BMP6: variants seen among roughly 807,000 people sequenced by gnomAD.
BMP6 encodes VG-1-R.
BMP6 carries 17 observed loss-of-function variants against 54.1 expected under a neutral mutation model. The observed-to-expected ratio is 0.31, with a 90% CI of 0.22 to 0.47. BMP6 has a LOEUF of 0.47. Among genes scored for constraint, BMP6 ranks in the 20% least tolerant of loss-of-function variants. BMP6 has a pLI of 1.00. For missense variants in BMP6, 720 were observed against 690.4 expected (o/e 1.04, Z -0.48); for synonymous variants, 328 against 291.2 (o/e 1.13, Z -1.28).
intron 1 of BMP6, among the ~76,000 whole-genome samples, chr6:7,740,035 TG>T (rs1762018763): frequency 2.0e-5 from 3 of 152,074 alleles, no homozygotes; most frequent in Non-Finnish European, 2.9e-5. Flanking sequence ...ACCTGCACAC[TG>T]GGCTGAGACA....
At chr6:7,747,022 T>C (rs1757358171) in intron 1 of BMP6, among the ~76,000 whole-genome samples, 1 of 152,188 alleles carries the variant, frequency 6.6e-6, no homozygotes, top group Non-Finnish European at 1.5e-5. Flanking sequence ...CACACTCTCC[T>C]CCTTTCTACC....
chr6:7,790,033 C>T (rs182298637), intron 1 of BMP6, among the ~76,000 whole-genome samples: 5 of 152,190 alleles, frequency 3.3e-5, no homozygotes, highest in Non-Finnish European at 4.4e-5. Context: ...TCTGTTGCTC[C>T]TTCTCAGGGT....
intron 2 of BMP6, among the ~76,000 whole-genome samples, chr6:7,851,743 C>A (rs2113262960): frequency 6.6e-6 from 1 of 152,088 alleles, no homozygotes; most frequent in East Asian, 1.9e-4. Flanking sequence ...AAATTCTTCT[C>A]TATTTCTAGT....
intron 1 of BMP6, among the ~76,000 whole-genome samples, chr6:7,756,356 T>G (rs1183308385): frequency 1.3e-5 from 2 of 152,354 alleles, no homozygotes; most frequent in African/African-American, 4.8e-5. Flanking sequence ...ATTTTGTGTG[T>G]CTTTCATGTA....
intron 4 of BMP6, among the ~76,000 whole-genome samples, chr6:7,865,422 C>T (rs1759404769): frequency 6.6e-6 from 1 of 152,186 alleles, no homozygotes; most frequent in African/African-American, 2.4e-5. Flanking sequence ...CCCTCCTTCT[C>T]ATTCTCTTCA....
At chr6:7,805,891 A>G (rs1758340394) in intron 1 of BMP6, among the ~76,000 whole-genome samples, 1 of 152,232 alleles carries the variant, frequency 6.6e-6, no homozygotes, top group African/African-American at 2.4e-5. Context: ...AAGCGAGGTC[A>G]TCATAGAAGG....
chr6:7,805,428 T>C (rs908206162), intron 1 of BMP6, among the ~76,000 whole-genome samples: 1 of 152,240 alleles, frequency 6.6e-6, no homozygotes, highest in African/African-American at 2.4e-5. Flanking sequence ...GAATGAAATT[T>C]GTGTTATTTT....
Position 7,802,530 on chromosome 6 carries a change from C to G in BMP6, c.665-42610C>G, listed in dbSNP as rs183934603. Among the ~76,000 whole-genome samples the G allele has an allele frequency of 2.0e-5, 3 of 152,256 alleles. No individual in the cohort carries two copies. In the East Asian group the frequency reaches 5.8e-4, roughly 29 times the overall value. ...AGGCAGTCAAAATTAATGGAACAGG[C>G]CCACCGTTCAGCATGACACTAGATT... is the stretch of plus-strand genomic sequence containing the variant. On this transcript the variant is annotated intron_variant, in intron 1 of 6. Transcript: ENST00000283147.
intron 1 of BMP6, among the ~76,000 whole-genome samples, chr6:7,754,469 A>G (rs1757479501): frequency 6.6e-6 from 1 of 152,112 alleles, no homozygotes; most frequent in South Asian, 2.1e-4. Flanking sequence ...GAAATCTCCA[A>G]CTATAATTAA....
At chr6:7,752,330 G>A (rs561229665) in intron 1 of BMP6, among the ~76,000 whole-genome samples, 2 of 152,260 alleles carry the variant, frequency 1.3e-5, no homozygotes, top group South Asian at 4.1e-4. Flanking sequence ...GTGTAATCTA[G>A]GTCCTGAAAA....
chr6:7,785,538 G>T (rs941011875), intron 1 of BMP6, among the ~76,000 whole-genome samples: 2 of 152,186 alleles, frequency 1.3e-5, no homozygotes, highest in African/African-American at 4.8e-5. Context: ...GGAGAAGGAG[G>T]CACTTTTGTT....
At chr6:7,750,955 C>A (rs1757414440) in intron 1 of BMP6, among the ~76,000 whole-genome samples, 1 of 152,182 alleles carries the variant, frequency 6.6e-6, no homozygotes, top group Non-Finnish European at 1.5e-5. Flanking sequence ...CAGGATACAG[C>A]TTAAGTGACT....
intron 1 of BMP6, among the ~76,000 whole-genome samples, chr6:7,840,248 A>G (rs1758947848): frequency 6.6e-6 from 1 of 152,244 alleles, no homozygotes; most frequent in Non-Finnish European, 1.5e-5. Context: ...ACACACATGC[A>G]GTAGAATTGT....
At chr6:7,746,247 C>T (rs909523859) in intron 1 of BMP6, among the ~76,000 whole-genome samples, 8 of 152,218 alleles carry the variant, frequency 5.3e-5, no homozygotes, top group Middle Eastern at 6.8e-3. Context: ...GGTAGGCTGA[C>T]GCCAGATGCT....
Position 7,873,747 on chromosome 6 carries a change from G to C in BMP6, c.1205-5327G>C, listed in dbSNP as rs115299676. On this transcript the variant is annotated intron_variant, in intron 4 of 6. Transcript: ENST00000283147. The stretch of plus-strand genomic sequence containing the variant: ...ACAAAGACACTCAGGAAAATCCAAG[G>C]GTTGTCAAAGCTTGGTGCCAGGAAC... Among the ~76,000 whole-genome samples, 834 of 152,052 alleles carry C rather than the reference G, an allele frequency of 5.5e-3. 12 individuals carry two copies. The highest frequency in any genetic ancestry group is 0.019 in the African/African-American group (775 of 41,424).
At chr6:7,874,839 A>G (rs1000022742) in intron 4 of BMP6, among the ~76,000 whole-genome samples, 5 of 152,170 alleles carry the variant, frequency 3.3e-5, no homozygotes, top group African/African-American at 2.4e-5. Flanking sequence ...TGTACTCTCT[A>G]TGCCCTAACT....
chr6:7,803,454 G>T (rs551959181), intron 1 of BMP6, among the ~76,000 whole-genome samples: 9 of 152,244 alleles, frequency 5.9e-5, no homozygotes, highest in African/African-American at 2.2e-4. Context: ...CTGCCTTCTC[G>T]TTGGCATCAG....
intron 1 of BMP6, among the ~76,000 whole-genome samples, chr6:7,821,337 G>A (rs1758607999): frequency 6.6e-6 from 1 of 152,046 alleles, no homozygotes. Flanking sequence ...TTCTTGCATT[G>A]TGCCCATGAC....
intron 1 of BMP6, among the ~76,000 whole-genome samples, chr6:7,737,557 C>T (rs1320311690): frequency 1.3e-5 from 2 of 152,026 alleles, no homozygotes; most frequent in Non-Finnish European, 2.9e-5. Flanking sequence ...TACCTGTCAT[C>T]GTAGGATGAT....
Sources: allele counts gnomAD v4.1 joint callset (sites outside exome capture counted in the v4.1 genomes callset), GRCh38; gene constraint gnomAD v4.1.1; transcripts MANE v1.5; gene names NCBI Gene and HGNC (gene_info 2026-07-23, HGNC 2026-07-21).